The following ETV6 variants were observed in gnomAD, a reference collection of about 807,000 sequenced individuals.
ETV6 encodes the protein ETS variant transcription factor 6, also known as transcription factor ETV6.
ETV6 carries 16 observed loss-of-function variants against 51.1 expected under a neutral mutation model. The observed-to-expected ratio is 0.31, with a 90% CI of 0.21 to 0.48. The LOEUF (loss-of-function observed/expected upper bound fraction) is 0.48. Among genes scored for constraint, ETV6 ranks in the 20% least tolerant of loss-of-function variants. ETV6 has a pLI of 0.99. For missense variants in ETV6, 458 were observed against 594.8 expected (o/e 0.77, Z 2.39); for synonymous variants, 240 against 224.1 (o/e 1.07, Z -0.64).
At chr12:11,701,566 G>A (rs1864982419) in intron 1 of ETV6, among the ~76,000 whole-genome samples, 1 of 152,234 alleles carries the variant, frequency 6.6e-6, no homozygotes, top group South Asian at 2.1e-4. Context: ...ATTTCCCAAA[G>A]CGAAACTTCC....
intron 1 of ETV6, among the ~76,000 whole-genome samples, chr12:11,652,755 G>A (rs1370720697): frequency 6.6e-6 from 1 of 152,230 alleles, no homozygotes; most frequent in Non-Finnish European, 1.5e-5. Flanking sequence ...GAAAAGAGTA[G>A]TGTCCGATTT....
chr12:11,799,272 A>T (rs867448678), intron 2 of ETV6, among the ~76,000 whole-genome samples: 1 of 152,088 alleles, frequency 6.6e-6, no homozygotes, highest in African/African-American at 2.4e-5. Context: ...ACTGTGCCCA[A>T]CCTCCTTTAC....
At position 11,837,789 on chromosome 12, in the gene ETV6, T is replaced by G. The variant is rs1299043188; in HGVS notation, c.164-1351T>G. ...ACCATGTGATTTTAGAGAATGAAGA[T>G]CCATTGAACATCCAGCTTCTTCTGA... On this transcript the variant is annotated intron_variant, in intron 2 of 7. Transcript: ENST00000396373. 3.3e-5 allele frequency among the ~76,000 whole-genome samples: 5 copies of G among 152,318 alleles called. No homozygotes were observed. The South Asian group carries it at 1.0e-3, about 32-fold the overall frequency.
At chr12:11,887,739 T>A (rs1947219334) in intron 7 of ETV6, among the ~76,000 whole-genome samples, 1 of 135,334 alleles carries the variant, frequency 7.4e-6, no homozygotes, top group African/African-American at 2.9e-5. Context: ...AGAGCGAGAC[T>A]CCATCTCAAG....
chr12:11,776,502 C>T (rs970132710), intron 2 of ETV6, among the ~76,000 whole-genome samples: 1 of 151,962 alleles, frequency 6.6e-6, no homozygotes, highest in Non-Finnish European at 1.5e-5. Flanking sequence ...GCTGTGGCCG[C>T]CCAAAGTGCT....
intron 1 of ETV6, among the ~76,000 whole-genome samples, chr12:11,748,781 C>CCTA (rs1555123070): frequency 6.6e-6 from 1 of 152,118 alleles, no homozygotes; most frequent in Non-Finnish European, 1.5e-5. Context: ...TAGATGGGTA[C>CCTA]CCTTCATTGG....
chr12:11,779,538 G>A (rs1440219009), intron 2 of ETV6, among the ~76,000 whole-genome samples: 1 of 152,158 alleles, frequency 6.6e-6, no homozygotes, highest in Admixed American at 6.5e-5. Context: ...AGGGAATCAA[G>A]ACAGAAATAT....
chr12:11,845,763 C>T (rs1044738501), intron 3 of ETV6, among the ~76,000 whole-genome samples: 20 of 152,150 alleles, frequency 1.3e-4, no homozygotes, highest in African/African-American at 3.6e-4. Context: ...GAGGCCAAGG[C>T]GGGCAGATCA....
rs766007746 is a variant in ETV6, at chr12:11,869,142, C to T, written c.464-282C>T. ...TCCCAGCTACTCGGGAGGCTGAGGC[C>T]GGAGAATGGCATGAACCCGGGAGGC... On this transcript the variant is annotated intron_variant, in intron 4 of 7. Transcript: ENST00000396373. The surrounding 1 kb of genome is among the most constrained non-coding windows in gnomAD (Gnocchi z 5.0). 2.6e-5 allele frequency among the ~76,000 whole-genome samples: 4 copies of T among 151,296 alleles called. No individual in the cohort carries two copies. The highest frequency in any genetic ancestry group is 6.6e-5 in the Admixed American group (1 of 15,178).
intron 1 of ETV6, among the ~76,000 whole-genome samples, chr12:11,650,400 A>G (rs1305428836): frequency 2.8e-5 from 3 of 105,524 alleles, no homozygotes; most frequent in Non-Finnish European, 5.6e-5. Flanking sequence ...TTGCTTTTTG[A>G]CAATGAAATG....
At chr12:11,876,249 C>T (rs746309895) in intron 5 of ETV6, among the ~76,000 whole-genome samples, 2 of 152,210 alleles carry the variant, frequency 1.3e-5, no homozygotes, top group East Asian at 1.9e-4. Flanking sequence ...GTAAAAGAAA[C>T]GATTTATTTG....
intron 1 of ETV6, among the ~76,000 whole-genome samples, chr12:11,655,600 C>T (rs1894330): frequency 0.28 from 42,929 of 152,190 alleles, 7,443 homozygotes; most frequent in East Asian, 0.42. Context: ...ATGTGTTCCA[C>T]ATTATCCATT....
chr12:11,883,595 A>G (rs2238134), intron 5 of ETV6, among the ~76,000 whole-genome samples: 67,099 of 151,834 alleles, frequency 0.44, 16,890 homozygotes, highest in South Asian at 0.6. Context: ...ACGCCCGGCC[A>G]TGTCTTCTCT....
chr12:11,848,143 T>G (rs1157609027), intron 3 of ETV6, among the ~76,000 whole-genome samples: 1 of 152,224 alleles, frequency 6.6e-6, no homozygotes, highest in African/African-American at 2.4e-5. Flanking sequence ...CATTGAGCGT[T>G]TATGATGGCA....
intron 1 of ETV6, among the ~76,000 whole-genome samples, chr12:11,699,028 A>T (rs574364240): frequency 6.6e-6 from 1 of 152,226 alleles, no homozygotes; most frequent in African/African-American, 2.4e-5. Context: ...AGATCTCTCC[A>T]TTAGAGCACG....
rs553377476 is a variant in ETV6, at chr12:11,869,193, G to A, written c.464-231G>A. 6.7e-4 allele frequency among the ~76,000 whole-genome samples: 102 copies of A among 151,202 alleles called. No homozygotes were observed. The highest frequency in any genetic ancestry group is 5.1e-3 in the Admixed American group (77 of 15,172). Reference sequence around the variant, plus strand: ...AGAGCTTGCAGTGAGCCGAGATCGTGCCACTGCACTCCAGCCTGGGCAACA... The same window carrying A: ...AGAGCTTGCAGTGAGCCGAGATCGTACCACTGCACTCCAGCCTGGGCAACA... On this transcript the variant is annotated intron_variant, in intron 4 of 7. Transcript: ENST00000396373. The surrounding 1 kb of genome is among the most constrained non-coding windows in gnomAD (Gnocchi z 5.0).
intron 5 of ETV6, among the ~76,000 whole-genome samples, chr12:11,880,472 C>A (rs560154383): frequency 6.6e-6 from 1 of 152,010 alleles, no homozygotes; most frequent in Non-Finnish European, 1.5e-5. Flanking sequence ...CTCCGAAAAA[C>A]CAACATGGCA....
chr12:11,787,264 A>G (rs893704997), intron 2 of ETV6, among the ~76,000 whole-genome samples: 4 of 152,230 alleles, frequency 2.6e-5, no homozygotes, highest in Non-Finnish European at 5.9e-5. Flanking sequence ...TGTCTAATAC[A>G]TAATGGCCAC....
In ETV6 at chr12:11,891,528, C is replaced by G. The variant is rs1005002187; in HGVS notation, c.*482C>G. The stretch of plus-strand genomic sequence containing the variant: ...AGCTGGTCAGGAAAGAGAATACTTG[C>G]AGAGGGGTTCAGGTTCCTCTTTTTC... On this transcript the variant is annotated 3_prime_UTR_variant, in exon 8 of 8. Transcript: ENST00000396373. The G allele has an allele frequency of 1.7e-5, 9 of 533,322 alleles. No homozygotes were observed. The highest frequency in any genetic ancestry group is 1.7e-4 in the African/African-American group (9 of 53,586). 33.0% of individuals were successfully genotyped at this position (533,322 alleles called of 1,614,324 possible). A position where few individuals can be genotyped will look rare whatever the true frequency, so the allele number is the denominator to read the frequency against.
Sources: gnomAD v4.1 joint callset for allele counts (sites outside exome capture counted in the v4.1 genomes callset) on GRCh38, gnomAD v4.1.1 for gene constraint, Gnocchi (gnomAD v3.1) non-coding constraint, MANE v1.5 for transcripts, NCBI Gene and HGNC (gene_info 2026-07-23, HGNC 2026-07-21) for gene names.